The following IL1RAPL2 variants were observed in gnomAD, a reference collection of about 807,000 sequenced individuals.
IL1RAPL2 encodes X-linked interleukin-1 receptor accessory protein-like 2.
In IL1RAPL2, 3 loss-of-function variants were observed where a neutral mutation model predicts 44.1. That is an observed-to-expected ratio of 0.07 (90% confidence interval 0.03 to 0.18). The LOEUF (loss-of-function observed/expected upper bound fraction) is 0.18, where lower values mean the gene tolerates loss of function less well. Among genes scored for constraint, IL1RAPL2 ranks in the 10% least tolerant of loss-of-function variants. The probability of loss-of-function intolerance (pLI) is 1.00; values close to 1 mark genes in which losing one functional copy is unlikely to be tolerated. For missense variants in IL1RAPL2, 391 were observed against 496.4 expected, an observed-to-expected ratio of 0.79 and a Z score of 2.02; for synonymous variants, 181 against 178.8, an observed-to-expected ratio of 1.01 and a Z score of -0.10.
intron 2 of IL1RAPL2, among the ~76,000 whole-genome samples, chrX:104,877,253 G>C (rs1922931568): frequency 9.0e-6 from 1 of 111,170 alleles, no homozygotes; most frequent in East Asian, 2.8e-4. Context: ...CCAGTAATGG[G>C]ATGGCTGGGT....
At chrX:105,761,122 T>C (rs2038682893) in intron 10 of IL1RAPL2, among the ~76,000 whole-genome samples, 2 of 101,370 alleles carry the variant, frequency 2.0e-5, no homozygotes, top group Admixed American at 2.3e-4. Flanking sequence ...AAGGTTGCAG[T>C]GAGCCAAGAT....
At chrX:105,120,492 G>A (rs2032912323) in intron 2 of IL1RAPL2, among the ~76,000 whole-genome samples, 1 of 111,012 alleles carries the variant, frequency 9.0e-6, no homozygotes, top group Admixed American at 9.7e-5. Context: ...CTTTGGAGTG[G>A]AAGCCAAAAC....
chrX:105,175,163 C>T (rs1431932304), intron 2 of IL1RAPL2, among the ~76,000 whole-genome samples: 1 of 111,429 alleles, frequency 9.0e-6, no homozygotes, highest in Non-Finnish European at 1.9e-5. Context: ...ATCATCATTA[C>T]TATCATTATT....
At chrX:104,947,721 A>G (rs1348077445) in intron 2 of IL1RAPL2, among the ~76,000 whole-genome samples, 2 of 111,530 alleles carry the variant, frequency 1.8e-5, no homozygotes, top group African/African-American at 3.3e-5. Flanking sequence ...AAGATCAGAC[A>G]GTTGTAGATA....
chrX:104,934,114 G>T (rs1432700310), intron 2 of IL1RAPL2, among the ~76,000 whole-genome samples: 1 of 111,543 alleles, frequency 9.0e-6, no homozygotes, highest in Non-Finnish European at 1.9e-5. Flanking sequence ...GTAAAATGTA[G>T]GTGTTCACAA....
At chrX:105,598,310 G>A (rs2037226763) in intron 6 of IL1RAPL2, among the ~76,000 whole-genome samples, 1 of 110,348 alleles carries the variant, frequency 9.1e-6, no homozygotes, top group African/African-American at 3.3e-5. Context: ...AGATGGAAGT[G>A]GGGAAATGGG....
intron 2 of IL1RAPL2, among the ~76,000 whole-genome samples, chrX:104,870,545 G>A (rs1452417855): frequency 1.8e-5 from 2 of 111,906 alleles, no homozygotes; most frequent in East Asian, 2.8e-4. Flanking sequence ...GCATAAATCA[G>A]GCAAGTGGGA....
At chrX:105,606,370 T>G (rs1173094363) in intron 6 of IL1RAPL2, among the ~76,000 whole-genome samples, 1 of 111,591 alleles carries the variant, frequency 9.0e-6, no homozygotes, top group Non-Finnish European at 1.9e-5. Context: ...CTCACTCTAG[T>G]TGGAATGGCT....
chrX:105,009,083 A>G (rs919763940), intron 2 of IL1RAPL2, among the ~76,000 whole-genome samples: 2 of 111,841 alleles, frequency 1.8e-5, no homozygotes, highest in African/African-American at 6.5e-5. Context: ...GGCGAGTATT[A>G]AAAAGTCAGG....
intron 2 of IL1RAPL2, among the ~76,000 whole-genome samples, chrX:104,845,713 ACT>A (rs1401125482): frequency 9.0e-6 from 1 of 110,811 alleles, no homozygotes; most frequent in African/African-American, 3.3e-5. Context: ...GCCTTCCTTG[ACT>A]CTATTTGTCA....
rs1248199527 is a variant in IL1RAPL2 at position 105,767,484 on chromosome X, G to A, written c.1884G>A (p.Thr628=). Residue 628 remains threonine, a synonymous_variant, in exon 11 of 11, where the codon ACG becomes ACA. Coordinates refer to ENST00000372582, the MANE Select transcript of IL1RAPL2 (RefSeq NM_017416.2). The stretch of plus-strand genomic sequence containing the variant: ...GTTATAAACATGAGATACCAGCCAC[G>A]ACCTTGCCAGTACCTTCCTTAGGCA... ...CRGYKHEIPA[T]TLPVPSLGNH... 3.3e-6 allele frequency: 4 copies of A among 1,211,351 alleles called. No individual in the cohort carries two copies. Among genetic ancestry groups the A allele is most frequent in the Admixed American group, 2.2e-5 (1 of 45,997 alleles).
chrX:104,900,609 C>G (rs527320033), intron 2 of IL1RAPL2, among the ~76,000 whole-genome samples: 205 of 112,085 alleles, frequency 1.8e-3, no homozygotes, highest in African/African-American at 6.5e-3. Context: ...AGGTTGAGCT[C>G]AGGTCTACCA....
At chrX:105,550,232 C>CA (rs1244855211) in intron 6 of IL1RAPL2, among the ~76,000 whole-genome samples, 1 of 112,046 alleles carries the variant, frequency 8.9e-6, no homozygotes, top group African/African-American at 3.2e-5. Flanking sequence ...TCCTCCACCA[C>CA]AATTAGCTTA....
intron 2 of IL1RAPL2, among the ~76,000 whole-genome samples, chrX:104,750,750 T>G (rs1219908294): frequency 1.8e-5 from 2 of 111,145 alleles, no homozygotes; most frequent in Non-Finnish European, 3.8e-5. Flanking sequence ...ACATGAAAAC[T>G]CCATCTGGCA....
chrX:105,056,436 T>C (rs949879592), intron 2 of IL1RAPL2, among the ~76,000 whole-genome samples: 48 of 111,852 alleles, frequency 4.3e-4, no homozygotes, highest in African/African-American at 1.5e-3. Flanking sequence ...AATCCATACC[T>C]CTGAACTGGT....
rs1008129025 is a variant in IL1RAPL2 at position 104,869,197 on chromosome X, CTTTTATT to C, written c.82+210217_82+210223del. 1.1e-3 allele frequency among the ~76,000 whole-genome samples: 125 copies of C among 110,747 alleles called. 1 individual carries two copies. The highest frequency in any genetic ancestry group is 3.7e-3 in the African/African-American group (113 of 30,585). ...GAGAAACTGCTGTAAATACCTTTTA[CTTTTATT>C]TTTTATTTTTTATTATTTTAATGGA... On this transcript the variant is annotated intron_variant, in intron 2 of 10. Transcript: ENST00000372582.
intron 2 of IL1RAPL2, among the ~76,000 whole-genome samples, chrX:104,736,706 C>A (rs991983282): frequency 8.9e-6 from 1 of 112,211 alleles, no homozygotes; most frequent in African/African-American, 3.2e-5. Flanking sequence ...TGCTGAAGAA[C>A]AAGAAATTAA....
At position 105,078,684 on chromosome X, in the gene IL1RAPL2, G is replaced by T. The variant is rs781487556; in HGVS notation, c.83-116791G>T. On this transcript the variant is annotated intron_variant, in intron 2 of 10. Transcript: ENST00000372582. Reference sequence around the variant, plus strand: ...CTTGAGCTGTGGTGGGCTCCACCCAGTTCGAGCTTCCTGGCCGCTTTGTTT... The same window carrying T: ...CTTGAGCTGTGGTGGGCTCCACCCATTTCGAGCTTCCTGGCCGCTTTGTTT... Among the ~76,000 whole-genome samples the T allele has an allele frequency of 2.0e-4, 22 of 110,551 alleles. No homozygotes were observed. The East Asian group carries it at 6.1e-3, about 31-fold the overall frequency.
At chrX:105,564,104 G>A (rs1228223192) in intron 6 of IL1RAPL2, among the ~76,000 whole-genome samples, 1 of 111,256 alleles carries the variant, frequency 9.0e-6, no homozygotes. Context: ...CATCCTCACA[G>A]GGCAGAAGAG....
Sources: gnomAD v4.1 joint callset for allele counts (sites outside exome capture counted in the v4.1 genomes callset) on GRCh38, gnomAD v4.1.1 for gene constraint, MANE v1.5 for transcripts, NCBI Gene and HGNC (gene_info 2026-07-23, HGNC 2026-07-21) for gene names.